The following WASF1 variants were observed in gnomAD, a reference collection of about 807,000 sequenced individuals.
WASF1 encodes actin-binding protein WASF1.
Under a neutral mutation model 50.5 loss-of-function variants are expected in WASF1, and 7 were observed. The observed-to-expected ratio is 0.14, with a 90% CI of 0.08 to 0.26. The LOEUF is 0.26. Among genes scored for constraint, WASF1 ranks in the 10% least tolerant of loss-of-function variants. WASF1 has a pLI of 1.00. For synonymous variants in WASF1, 205 were observed against 244.0 expected (o/e 0.84, Z 1.49); for missense variants, 470 against 694.7 (o/e 0.68, Z 3.64).
At chr6:110,142,535 T>C (rs1230367631) in intron 3 of WASF1, among the ~76,000 whole-genome samples, 1 of 152,150 alleles carries the variant, frequency 6.6e-6, no homozygotes, top group African/African-American at 2.4e-5. Flanking sequence ...CTTTATCTCC[T>C]AAATCCTGAG....
intron 3 of WASF1, among the ~76,000 whole-genome samples, chr6:110,134,775 TTATAG>T (rs1281483048): frequency 6.6e-6 from 1 of 152,180 alleles, no homozygotes; most frequent in Non-Finnish European, 1.5e-5. Flanking sequence ...TAGTATGCCC[TTATAG>T]TATAGTTTGA....
chr6:110,137,513 T>A (rs1775022833), intron 3 of WASF1, among the ~76,000 whole-genome samples: 1 of 152,222 alleles, frequency 6.6e-6, no homozygotes, highest in African/African-American at 2.4e-5. Flanking sequence ...GGGACCTCAG[T>A]CACGTGACAG....
At chr6:110,153,076 T>C (rs1775894991) in intron 3 of WASF1, among the ~76,000 whole-genome samples, 1 of 152,204 alleles carries the variant, frequency 6.6e-6, no homozygotes, top group African/African-American at 2.4e-5. Context: ...TTATGGAAAT[T>C]TGGGTAATAT....
rs142689620 is a variant in WASF1 at position 110,101,737 on chromosome 6, G to T, written c.1373C>A (p.Thr458Asn). 6.2e-7 allele frequency: 1 copy of T among 1,614,048 alleles called. No individual in the cohort carries two copies. The highest frequency in any genetic ancestry group is 1.7e-5 in the Admixed American group (1 of 59,998). ...LAHPPSGLHP[T>N]PSTAPGPHVP... ...ATGGGGACCTGGGGCAGTAGATGGA[G>T]TTGGATGTAGCCCAGAGGGAGGATG... Residue 458 changes from threonine (T) to asparagine (N), a missense_variant, in exon 10 of 11, where the codon ACT becomes AAT. Transcript: ENST00000392589.
At chr6:110,121,654 T>C (rs963258389) in intron 4 of WASF1, among the ~76,000 whole-genome samples, 10 of 152,336 alleles carry the variant, frequency 6.6e-5, no homozygotes, top group African/African-American at 2.2e-4. Context: ...GAACTAGAAA[T>C]ACCATTTGAT....
At chr6:110,144,963 A>G (rs550602696) in intron 3 of WASF1, among the ~76,000 whole-genome samples, 2,748 of 152,156 alleles carry the variant, frequency 0.018, 31 homozygotes, top group Non-Finnish European at 0.028. Flanking sequence ...GTTCCATATG[A>G]ACTTTAAAGT....
At chr6:110,168,270 A>C (rs1048410605) in intron 2 of WASF1, among the ~76,000 whole-genome samples, 1 of 152,062 alleles carries the variant, frequency 6.6e-6, no homozygotes, top group African/African-American at 2.4e-5. Flanking sequence ...GAAGTCATTA[A>C]TGTCATCTTT....
chr6:110,134,115 C>A (rs748558268), intron 3 of WASF1, among the ~76,000 whole-genome samples: 4 of 152,068 alleles, frequency 2.6e-5, no homozygotes, highest in Non-Finnish European at 5.9e-5. Context: ...TGGGGTTTCA[C>A]TATGTTGGTC....
chr6:110,125,888 TAG>T (rs1774396737), intron 4 of WASF1, among the ~76,000 whole-genome samples: 1 of 152,220 alleles, frequency 6.6e-6, no homozygotes, highest in South Asian at 2.1e-4. Context: ...ATGGACTATA[TAG>T]ACTTAAAAAT....
chr6:110,174,576 C>T (rs1173696614), intron 2 of WASF1, among the ~76,000 whole-genome samples: 1 of 152,120 alleles, frequency 6.6e-6, no homozygotes, highest in Non-Finnish European at 1.5e-5. Flanking sequence ...TCTGGGCTTC[C>T]GCTAGGCAGA....
intron 4 of WASF1, among the ~76,000 whole-genome samples, chr6:110,116,573 T>C (rs1420022138): frequency 1.3e-5 from 2 of 152,018 alleles, no homozygotes; most frequent in Non-Finnish European, 2.9e-5. Context: ...ATTCCCTCTA[T>C]AAATTCCACC....
chr6:110,108,642 C>T lies in WASF1; in HGVS notation c.308G>A (p.Ser103Asn). ...AAGCTGCTGGTCTTGAATTGTAGAA[C>T]TTCGGAAAGCTTTCCTCATTGTTAT... The part of the protein sequence containing the change: ...QDITMRKAFR[S>N]STIQDQQLFD... The change falls in exon 6 of 11, where the codon AGT (serine) becomes AAT (asparagine). Residue 103 changes from serine (S) to asparagine (N), a missense_variant. Physicochemically the swap from Ser to Asn is conservative, Grantham distance 46. Around this residue, in one of 3 missense-constraint regions of WASF1, gnomAD observed 140 missense variants for 260.5 expected, o/e 0.54. Coordinates refer to ENST00000392589, the MANE Select transcript of WASF1 (RefSeq NM_003931.3). The T allele has an allele frequency of 1.9e-6, 3 of 1,613,984 alleles. No homozygotes were observed. The highest frequency in any genetic ancestry group is 1.7e-6 in the Non-Finnish European group (2 of 1,179,956).
intron 3 of WASF1, among the ~76,000 whole-genome samples, chr6:110,143,402 C>T (rs1270978469): frequency 6.6e-6 from 1 of 151,830 alleles, no homozygotes; most frequent in East Asian, 1.9e-4. Context: ...TTAAAGAATG[C>T]CTTCTCTTGA....
At chr6:110,152,337 C>T (rs147289315) in intron 3 of WASF1, among the ~76,000 whole-genome samples, 84 of 152,170 alleles carry the variant, frequency 5.5e-4, no homozygotes, top group African/African-American at 1.9e-3. Context: ...AACCTGGAAA[C>T]CAGGAACAAT....
intron 3 of WASF1, among the ~76,000 whole-genome samples, chr6:110,130,135 T>C (rs1454853902): frequency 1.3e-5 from 2 of 152,244 alleles, no homozygotes; most frequent in Admixed American, 6.5e-5. Context: ...TTGCATAAAT[T>C]TGTTTCCTCT....
At chr6:110,138,270 GA>G (rs1179761516) in intron 3 of WASF1, among the ~76,000 whole-genome samples, 1 of 152,250 alleles carries the variant, frequency 6.6e-6, no homozygotes, top group African/African-American at 2.4e-5. Flanking sequence ...GTGGTGCCCA[GA>G]AGCTTGTAGA....
At chr6:110,121,863 G>C (rs1410079329) in intron 4 of WASF1, among the ~76,000 whole-genome samples, 1 of 152,118 alleles carries the variant, frequency 6.6e-6, no homozygotes, top group African/African-American at 2.4e-5. Context: ...CATAAAAAAG[G>C]ATGAGTTCAT....
chr6:110,130,917 T>C (rs1444256519), intron 3 of WASF1, among the ~76,000 whole-genome samples: 2 of 152,140 alleles, frequency 1.3e-5, no homozygotes, highest in Non-Finnish European at 2.9e-5. Context: ...CTTGTTATAG[T>C]TTTAATTTGT....
intron 4 of WASF1, among the ~76,000 whole-genome samples, chr6:110,118,657 T>C (rs1043933466): frequency 6.6e-6 from 1 of 152,166 alleles, no homozygotes; most frequent in African/African-American, 2.4e-5. Context: ...TTAACAAAGA[T>C]ATCCAGGACT....
Sources: gnomAD v4.1 joint callset for allele counts (sites outside exome capture counted in the v4.1 genomes callset) on GRCh38, gnomAD v4.1.1 for gene constraint, gnomAD v4.1.1 regional missense constraint, MANE v1.5 for transcripts, NCBI Gene and HGNC (gene_info 2026-07-23, HGNC 2026-07-21) for gene names.